Variants in GPR89B observed in about 807,000 individuals in gnomAD.
GPR89B encodes golgi pH regulator B.
In GPR89B, 25 loss-of-function variants were observed where a neutral mutation model predicts 52.4. The observed-to-expected ratio is 0.48, with a 90% CI of 0.35 to 0.67. The LOEUF (loss-of-function observed/expected upper bound fraction) is 0.67. GPR89B is among the 30% of genes least tolerant of loss of function. The pLI is 0.01. For synonymous variants in GPR89B, 52 were observed against 151.2 expected (o/e 0.34, Z 4.81); for missense variants, 146 against 450.2 (o/e 0.32, Z 6.11).
intron 5 of GPR89B, among the ~76,000 whole-genome samples, chr1:147,952,664 C>A (rs1225752668): frequency 1.3e-5 from 2 of 152,048 alleles, no homozygotes; most frequent in Non-Finnish European, 2.9e-5. Flanking sequence ...CTGAGTTATT[C>A]TTCAGCATTG....
intron 7 of GPR89B, among the ~76,000 whole-genome samples, chr1:147,961,675 A>T (rs1388429874): frequency 2.0e-5 from 3 of 152,166 alleles, no homozygotes; most frequent in Admixed American, 6.5e-5. Flanking sequence ...TTGTCTTTCT[A>T]TAAGCTAGCA....
the GPR89B span, among the ~76,000 whole-genome samples, chr1:148,009,808 T>A: frequency 2.6e-5 from 4 of 151,620 alleles, no homozygotes; most frequent in African/African-American, 9.7e-5. Flanking sequence ...GAATATAGAG[T>A]GTGGTTCAAC....
chr1:147,956,772 C>T (rs1656146720), intron 7 of GPR89B, among the ~76,000 whole-genome samples: 1 of 151,114 alleles, frequency 6.6e-6, no homozygotes, highest in African/African-American at 2.5e-5. Context: ...GAGTCTCACT[C>T]TGTTGCCCAG....
At chr1:148,021,199 C>T in the GPR89B span, among the ~76,000 whole-genome samples, 2 of 151,470 alleles carry the variant, frequency 1.3e-5, no homozygotes, top group African/African-American at 4.9e-5. Context: ...CGATGGAGTG[C>T]GGCTCAAGAA....
rs182082349 is a variant in GPR89B, at chr1:147,944,973, A to T, written c.415+875A>T. On this transcript the variant is annotated intron_variant, in intron 5 of 13. Transcript: ENST00000314163. Reference sequence around the variant, plus strand: ...CTTCTTATTGCAGAAAACAGAATCTACTGTAACTAATTTAAAGCAGAAAGT... The same window carrying T: ...CTTCTTATTGCAGAAAACAGAATCTTCTGTAACTAATTTAAAGCAGAAAGT... Among the ~76,000 whole-genome samples, 1,206 of 151,814 alleles carry T rather than the reference A, an allele frequency of 7.9e-3. 23 individuals are homozygous for T. Among genetic ancestry groups the T allele is most frequent in the East Asian group, 0.047 (240 of 5,144 alleles).
At chr1:148,017,809 T>A in the GPR89B span, among the ~76,000 whole-genome samples, 3 of 150,172 alleles carry the variant, frequency 2.0e-5, no homozygotes, top group African/African-American at 7.4e-5. Flanking sequence ...AAGAACAATG[T>A]GTGTTCTCCC....
At chr1:147,949,289 CAG>C (rs1196983740) in intron 5 of GPR89B, among the ~76,000 whole-genome samples, 3 of 151,476 alleles carry the variant, frequency 2.0e-5, no homozygotes, top group African/African-American at 7.3e-5. Flanking sequence ...ACCTCCCAGA[CAG>C]GGTGGTGGCT....
chr1:147,961,797 A>G (rs1331501828), intron 7 of GPR89B, among the ~76,000 whole-genome samples: 19 of 152,220 alleles, frequency 1.2e-4, no homozygotes, highest in African/African-American at 3.4e-4. Flanking sequence ...TGAAAATTAT[A>G]AAACTAATGA....
At chr1:147,990,122 C>T (rs1474054959) in intron 12 of GPR89B, among the ~76,000 whole-genome samples, 1 of 152,168 alleles carries the variant, frequency 6.6e-6, no homozygotes, top group Non-Finnish European at 1.5e-5. Flanking sequence ...CTCTCCAGCA[C>T]CTGTTGTTTC....
At chr1:148,009,260 C>A in the GPR89B span, 2 of 1,481,188 alleles carry the variant, frequency 1.4e-6, no homozygotes, top group Non-Finnish European at 1.8e-6. Flanking sequence ...GAAGAAAAGT[C>A]ATTAACCAGT....
intron 1 of GPR89B, among the ~76,000 whole-genome samples, chr1:147,932,589 C>T (rs1200431821): frequency 1.3e-5 from 2 of 152,170 alleles, no homozygotes; most frequent in Non-Finnish European, 2.9e-5. Flanking sequence ...ACCTCTCTTA[C>T]TCTTAGCAGA....
chr1:148,011,100 G>A, the GPR89B span: 1 of 152,230 alleles, frequency 6.6e-6, no homozygotes, highest in South Asian at 2.1e-4. Context: ...ACCTACGCGG[G>A]AGACCTGGGT....
intron 7 of GPR89B, among the ~76,000 whole-genome samples, chr1:147,965,094 CA>C (rs1656936490): frequency 6.7e-6 from 1 of 149,384 alleles, no homozygotes; most frequent in Admixed American, 6.7e-5. Flanking sequence ...TACATCTTCC[CA>C]AAATGGTGAG....
chr1:147,980,467 C>T, intron 10 of GPR89B, among the ~76,000 whole-genome samples: 1 of 118,466 alleles, frequency 8.4e-6, no homozygotes, highest in Non-Finnish European at 1.7e-5. Flanking sequence ...AATTTATTGG[C>T]ATGATATTGC....
the GPR89B span, chr1:148,024,803 G>T: frequency 2.0e-5 from 3 of 151,890 alleles, no homozygotes; most frequent in East Asian, 5.8e-4. Context: ...ATGTAGAAAT[G>T]GGGACAGGGT....
At chr1:147,994,301 T>A, downstream of GPR89B, 3 of 1,528,168 alleles carry the variant, frequency 2.0e-6, no homozygotes, top group Non-Finnish European at 2.7e-6. Context: ...CTTGTTTTCA[T>A]CACATCTCTG....
intron 3 of GPR89B, 58 bp from the exon 4 acceptor site, chr1:147,943,380 A>G: frequency 1.9e-6 from 3 of 1,598,722 alleles, no homozygotes; most frequent in South Asian, 1.1e-5. Flanking sequence ...AAGACTAAAG[A>G]GAAAGAAAGT....
chr1:147,936,686 G>A lies in GPR89B; in HGVS notation c.102G>A (p.Glu34=), dbSNP rs782099304. 1 of 1,605,828 alleles carries A rather than the reference G, an allele frequency of 6.2e-7. No individual in the cohort carries two copies. Among genetic ancestry groups the A allele is most frequent in the Admixed American group, 1.7e-5 (1 of 58,988 alleles). Residue 34 remains glutamate, a splice_region_variant and synonymous_variant, in exon 2 of 14, where the codon GAG becomes GAA. Coordinates refer to ENST00000314163, the MANE Select transcript of GPR89B (RefSeq NM_016334.5). ...FFMRQLFKDY[E]IRQYVVQVIF... ...TGCGCCAATTGTTTAAAGACTATGAGGTGAGAAGAAATCATTTTGTCATAC... is the reference window on the plus strand; with the variant it reads ...TGCGCCAATTGTTTAAAGACTATGAAGTGAGAAGAAATCATTTTGTCATAC...
rs1380778067 is a variant in GPR89B at position 147,956,770 on chromosome 1, C to T, written c.617+2368C>T. Among the ~76,000 whole-genome samples, 10 of 151,360 alleles carry T rather than the reference C, an allele frequency of 6.6e-5. No individual in the cohort carries two copies. In the East Asian group the frequency reaches 1.4e-3, roughly 21 times the overall value. ...TTTTTTTTTTTAAGACGGAGTCTCA[C>T]TCTGTTGCCCAGGCTGGAGTGCAGT... On this transcript the variant is annotated intron_variant, in intron 7 of 13. Transcript: ENST00000314163.
Sources: gnomAD v4.1 joint callset for allele counts (sites outside exome capture counted in the v4.1 genomes callset) on GRCh38, gnomAD v4.1.1 for gene constraint, MANE v1.5 for transcripts, NCBI Gene and HGNC (gene_info 2026-07-23, HGNC 2026-07-21) for gene names.